IVL: variants seen among roughly 807,000 people sequenced by gnomAD.
IVL encodes the protein involucrin.
For synonymous variants in IVL, 257 were observed against 271.0 expected (o/e 0.95, Z 0.51); for missense variants, 722 against 624.9 (o/e 1.16, Z -1.66).
At chr1:152,909,054 T>C (rs945862592) in intron 1 of IVL, among the ~76,000 whole-genome samples, 2 of 152,052 alleles carry the variant, frequency 1.3e-5, no homozygotes, top group African/African-American at 4.8e-5. Context: ...AACTTAGAAG[T>C]ATAAGACTTG....
chr1:152,909,718 C>G, intron 1 of IVL, 61 bp from the exon 2 acceptor site: 1 of 1,377,028 alleles, frequency 7.3e-7, no homozygotes, highest in Admixed American at 2.2e-5. Flanking sequence ...CTGCAGATTC[C>G]CAAGGTTTCA....
Position 152,910,183 on chromosome 1 carries a change from T to C in IVL, c.386T>C (p.Leu129Pro). 6.2e-7 allele frequency: 1 copy of C among 1,613,872 alleles called. No individual in the cohort carries two copies. The highest frequency in any genetic ancestry group is 8.5e-7 in the Non-Finnish European group (1 of 1,179,974). Residue 129 changes from leucine (L) to proline (P), a missense_variant, in exon 2 of 2, where the codon CTC (leucine) becomes CCC (proline). Leu to Pro is a moderately conservative substitution (Grantham distance 98, BLOSUM62 -3). Coordinates refer to ENST00000368764, the MANE Select transcript of IVL (RefSeq NM_005547.4). ...LNKQLEEEKK[L>P]LDQQLDQELV... ...AAACAGCTGGAAGAAGAGAAGAAGC[T>C]CTTAGACCAGCAACTGGATCAAGAG...
rs776838547 is a variant in IVL at position 152,911,139 on chromosome 1, G to C, written c.1342G>C (p.Gly448Arg). The change falls in exon 2 of 2, where the codon GGG becomes CGG. Residue 448 changes from glycine to arginine, a missense_variant. Gly to Arg is a moderately radical substitution (Grantham distance 125). Coordinates refer to ENST00000368764, the MANE Select transcript of IVL (RefSeq NM_005547.4). The stretch of plus-strand genomic sequence containing the variant: ...ACTGAAGCATCTGGAGCAGCAGCAG[G>C]GGCAGTTGGAGGTCCCAGAGCAGCA... ...GQLKHLEQQQ[G>R]QLEVPEQQVG... 4.5e-6 allele frequency: 7 copies of C among 1,557,760 alleles called. No homozygotes were observed. Among genetic ancestry groups the C allele is most frequent in the Non-Finnish European group, 6.1e-6 (7 of 1,150,496 alleles).
chr1:152,909,681 G>A, intron 1 of IVL, 98 bp from the exon 2 acceptor site: 1 of 883,548 alleles, frequency 1.1e-6, no homozygotes, highest in Admixed American at 2.7e-5. Context: ...CCCAAGGGAA[G>A]AGGGGATGCT....
In IVL at chr1:152,909,847, A is replaced by G. The variant is rs763173333; in HGVS notation, c.50A>G (p.Gln17Arg). The G allele has an allele frequency of 1.1e-5, 17 of 1,614,200 alleles. No homozygotes were observed. The highest frequency in any genetic ancestry group is 1.4e-5 in the Non-Finnish European group (16 of 1,180,022). The part of the protein sequence containing the change: ...LPVTLSPALS[Q>R]ELLKTVPPPV... ...GTGACCCTCTCCCCTGCCCTCAGTCAGGAGCTCCTCAAGACTGTTCCTCCT... is the reference window on the plus strand; with the variant it reads ...GTGACCCTCTCCCCTGCCCTCAGTCGGGAGCTCCTCAAGACTGTTCCTCCT... Residue 17 changes from glutamine (Q) to arginine (R), a missense_variant, in exon 2 of 2, where the codon CAG becomes CGG. Coordinates refer to ENST00000368764, the MANE Select transcript of IVL (RefSeq NM_005547.4).
rs1649981131 is a variant in IVL at position 152,911,195 on chromosome 1, G to A, written c.1398G>A (p.Glu466=). ...QVGQPKNLEQ[E]EKQLELPEQQ... is the part of the protein sequence containing the mutation. ...GGCAGCCAAAGAACCTGGAGCAGGA[G>A]GAGAAGCAACTGGAGCTCCCAGAGC... Residue 466 remains glutamate (E), a synonymous_variant, in exon 2 of 2, where the codon GAG becomes GAA. Coordinates refer to ENST00000368764, the MANE Select transcript of IVL (RefSeq NM_005547.4). 1.3e-6 allele frequency: 2 copies of A among 1,560,072 alleles called. No individual in the cohort carries two copies. The highest frequency in any genetic ancestry group is 1.7e-6 in the Non-Finnish European group (2 of 1,151,972).
Position 152,911,317 on chromosome 1 carries a change from A to T in IVL, c.1520A>T (p.Glu507Val). ...VGQPKHLEQQ[E>V]KHLEHPEQQD... Reference sequence around the variant, plus strand: ...CAGCCAAAGCACCTGGAACAGCAGGAAAAGCACCTAGAGCACCCAGAGCAG... The same window carrying T: ...CAGCCAAAGCACCTGGAACAGCAGGTAAAGCACCTAGAGCACCCAGAGCAG... Residue 507 changes from glutamate (E) to valine (V), a missense_variant, in exon 2 of 2, where the codon GAA (glutamate) becomes GTA (valine). Coordinates refer to ENST00000368764, the MANE Select transcript of IVL (RefSeq NM_005547.4). The T allele has an allele frequency of 6.3e-7, 1 of 1,579,062 alleles. No individual in the cohort carries two copies. The highest frequency in any genetic ancestry group is 8.6e-7 in the Non-Finnish European group (1 of 1,162,546).
Position 152,910,924 on chromosome 1 carries a change from T to C in IVL, c.1127T>C (p.Leu376Pro). ...PEQQVLQLKQ[L>P]EKQQGQPKHL... ...CAGCAGGTGCTGCAGCTGAAGCAGCTAGAGAAGCAGCAGGGGCAGCCAAAG... is the reference window on the plus strand; with the variant it reads ...CAGCAGGTGCTGCAGCTGAAGCAGCCAGAGAAGCAGCAGGGGCAGCCAAAG... The change falls in exon 2 of 2, where the codon CTA (leucine) becomes CCA (proline). Residue 376 changes from leucine (L) to proline (P), a missense_variant. Leu to Pro is a moderately conservative substitution (Grantham distance 98). Transcript: ENST00000368764. 1 of 1,544,950 alleles carries C rather than the reference T, an allele frequency of 6.5e-7. No individual in the cohort carries two copies. The highest frequency in any genetic ancestry group is 8.7e-7 in the Non-Finnish European group (1 of 1,145,680).
chr1:152,910,739 G>C lies in IVL; in HGVS notation c.942G>C (p.Lys314Asn), dbSNP rs1273864419. 4 of 1,551,140 alleles carry C rather than the reference G, an allele frequency of 2.6e-6. No homozygotes were observed. The highest frequency in any genetic ancestry group is 2.6e-6 in the Non-Finnish European group (3 of 1,146,824). Residue 314 changes from lysine (K) to asparagine (N), a missense_variant, in exon 2 of 2, where the codon AAG becomes AAC. Lys to Asn is a moderately conservative substitution (Grantham distance 94). Coordinates refer to ENST00000368764, the MANE Select transcript of IVL (RefSeq NM_005547.4). ...ELPEQQMGQL[K>N]HLEQQEGQPK... ...CAGAGCAGCAGATGGGGCAGCTGAA[G>C]CACCTGGAGCAGCAGGAGGGGCAGC...
chr1:152,910,878 G>A lies in IVL; in HGVS notation c.1081G>A (p.Gly361Arg). The A allele has an allele frequency of 6.4e-7, 1 of 1,550,938 alleles. No individual in the cohort carries two copies. ...GCTGGAGCACCTGGAGCACCAGGAA[G>A]GGCAGCTGGGGCTCCCAGAGCAGCA... Reference protein sequence around the residue: ...GQLEHLEHQEGQLGLPEQQVL... With the variant: ...GQLEHLEHQERQLGLPEQQVL... The change falls in exon 2 of 2, where the codon GGG becomes AGG. Residue 361 changes from glycine to arginine, a missense_variant. Physicochemically the swap from Gly to Arg is moderately radical, Grantham distance 125. Coordinates refer to ENST00000368764, the MANE Select transcript of IVL (RefSeq NM_005547.4).
In IVL at chr1:152,910,082, T is replaced by A. The variant is rs746362548; in HGVS notation, c.285T>A (p.His95Gln). The A allele has an allele frequency of 1.2e-6, 2 of 1,614,068 alleles. No homozygotes were observed. Among genetic ancestry groups the A allele is most frequent in the Non-Finnish European group, 1.7e-6 (2 of 1,180,002 alleles). ...QELQQQHWEQ[H>Q]EEYQKAENPE... ...TGCAGCAACAGCACTGGGAACAGCA[T>A]GAGGAATATCAGAAAGCAGAAAACC... Residue 95 changes from histidine (H) to glutamine (Q), a missense_variant, in exon 2 of 2, where the codon CAT (histidine) becomes CAA (glutamine). Physicochemically the swap from His to Gln is conservative, Grantham distance 24. Coordinates refer to ENST00000368764, the MANE Select transcript of IVL (RefSeq NM_005547.4).
In IVL at chr1:152,911,577, C is replaced by T. The variant is rs1377091267; in HGVS notation, c.*22C>T. ...ATAACCACCCGCAGTGTCCAGAGGC[C>T]CTCAGATCGTCTCATACAAGGGAAG... On this transcript the variant is annotated 3_prime_UTR_variant, in exon 2 of 2. Coordinates refer to ENST00000368764, the MANE Select transcript of IVL (RefSeq NM_005547.4). 5 of 1,576,318 alleles carry T rather than the reference C, an allele frequency of 3.2e-6. No homozygotes were observed. The highest frequency in any genetic ancestry group is 4.5e-5 in the East Asian group (2 of 44,586).
rs1459751890 is a variant in IVL at position 152,910,883 on chromosome 1, G to T, written c.1086G>T (p.Gln362His). The T allele has an allele frequency of 1.3e-6, 2 of 1,550,834 alleles. No homozygotes were observed. Among genetic ancestry groups the T allele is most frequent in the Admixed American group, 2.0e-5 (1 of 50,936 alleles). The change falls in exon 2 of 2, where the codon CAG (glutamine) becomes CAT (histidine). Residue 362 changes from glutamine to histidine, a missense_variant. By Grantham distance (24) the Gln-to-His change is conservative (BLOSUM62 0). Transcript: ENST00000368764. Reference sequence around the variant, plus strand: ...AGCACCTGGAGCACCAGGAAGGGCAGCTGGGGCTCCCAGAGCAGCAGGTGC... The same window carrying T: ...AGCACCTGGAGCACCAGGAAGGGCATCTGGGGCTCCCAGAGCAGCAGGTGC... The part of the protein sequence containing the change: ...QLEHLEHQEG[Q>H]LGLPEQQVLQ...
chr1:152,910,025 G>C lies in IVL; in HGVS notation c.228G>C (p.Glu76Asp). 5 of 1,614,190 alleles carry C rather than the reference G, an allele frequency of 3.1e-6. No homozygotes were observed. The highest frequency in any genetic ancestry group is 4.2e-6 in the Non-Finnish European group (5 of 1,180,046). ...AVKGLPEQEC[E>D]QQQKEPQEQE... is the part of the protein sequence containing the mutation. ...AGGGACTGCCTGAGCAAGAATGTGA[G>C]CAACAGCAGAAGGAGCCACAGGAGC... Residue 76 changes from glutamate to aspartate, a missense_variant, in exon 2 of 2, where the codon GAG (glutamate) becomes GAC (aspartate). Coordinates refer to ENST00000368764, the MANE Select transcript of IVL (RefSeq NM_005547.4).
rs1177093441 is a variant in IVL, at chr1:152,911,410, G to T, written c.1613G>T (p.Gly538Val). Residue 538 changes from glycine to valine, a missense_variant, in exon 2 of 2, where the codon GGG becomes GTG. Physicochemically the swap from Gly to Val is moderately radical, Grantham distance 109. Coordinates refer to ENST00000368764, the MANE Select transcript of IVL (RefSeq NM_005547.4). ...GQLKDLEQQKGQLEQPVFAPA... is the reference protein window; with the variant it reads ...GQLKDLEQQKVQLEQPVFAPA... ...CTGAAGGACCTGGAGCAGCAGAAGG[G>T]GCAGCTGGAGCAGCCTGTGTTTGCC... 1 of 1,614,000 alleles carries T rather than the reference G, an allele frequency of 6.2e-7. No individual in the cohort carries two copies. The highest frequency in any genetic ancestry group is 8.5e-7 in the Non-Finnish European group (1 of 1,179,924).
chr1:152,909,322 T>C (rs1649868402), intron 1 of IVL, among the ~76,000 whole-genome samples: 1 of 152,190 alleles, frequency 6.6e-6, no homozygotes, highest in South Asian at 2.1e-4. Flanking sequence ...CCATGACCTC[T>C]TAGGTCCTCT....
rs970274038 is a variant in IVL, at chr1:152,910,828, A to G, written c.1031A>G (p.Lys344Arg). The G allele has an allele frequency of 1.9e-6, 3 of 1,550,842 alleles. No homozygotes were observed. In the Admixed American group the frequency reaches 5.9e-5, roughly 30 times the overall value. Residue 344 changes from lysine to arginine, a missense_variant, in exon 2 of 2, where the codon AAG becomes AGG. Physicochemically the swap from Lys to Arg is conservative, Grantham distance 26. Coordinates refer to ENST00000368764, the MANE Select transcript of IVL (RefSeq NM_005547.4). ...EQLEEQEGQL[K>R]HLEQQEGQLE... ...CTGGAGGAGCAGGAGGGGCAGCTGA[A>G]GCACCTGGAGCAGCAGGAGGGGCAG...
chr1:152,910,601 C>T lies in IVL; in HGVS notation c.804C>T (p.His268=). The T allele has an allele frequency of 2.1e-6, 3 of 1,396,250 alleles. No individual in the cohort carries two copies. The highest frequency in any genetic ancestry group is 1.9e-5 in the African/African-American group (1 of 52,952). 86.5% of individuals were successfully genotyped at this position (1,396,250 alleles called of 1,614,324 possible). The change falls in exon 2 of 2, where the codon CAC becomes CAT. Residue 268 remains histidine, a synonymous_variant. Coordinates refer to ENST00000368764, the MANE Select transcript of IVL (RefSeq NM_005547.4). ...QQEGQLKHLE[H]QEGQLEVPEE... is the part of the protein sequence containing the mutation. ...AGGGACAGCTGAAGCACCTGGAGCACCAGGAGGGGCAGCTGGAGGTCCCAG... is the reference window on the plus strand; with the variant it reads ...AGGGACAGCTGAAGCACCTGGAGCATCAGGAGGGGCAGCTGGAGGTCCCAG...
Position 152,910,829 on chromosome 1 carries a change from G to C in IVL, c.1032G>C (p.Lys344Asn). The change falls in exon 2 of 2, where the codon AAG (lysine) becomes AAC (asparagine). Residue 344 changes from lysine (K) to asparagine (N), a missense_variant. Physicochemically the swap from Lys to Asn is moderately conservative, Grantham distance 94. Transcript: ENST00000368764. ...TGGAGGAGCAGGAGGGGCAGCTGAA[G>C]CACCTGGAGCAGCAGGAGGGGCAGC... The part of the protein sequence containing the change: ...EQLEEQEGQL[K>N]HLEQQEGQLE... The C allele has an allele frequency of 6.4e-7, 1 of 1,551,242 alleles. No individual in the cohort carries two copies. The highest frequency in any genetic ancestry group is 8.7e-7 in the Non-Finnish European group (1 of 1,147,160).
Sources: allele counts gnomAD v4.1 joint callset (sites outside exome capture counted in the v4.1 genomes callset), GRCh38; gene constraint gnomAD v4.1.1; transcripts MANE v1.5; gene names NCBI Gene and HGNC (gene_info 2026-07-23, HGNC 2026-07-21).